TECRL: variants seen among roughly 807,000 people sequenced by gnomAD.
TECRL encodes trans-2,3-enoyl-CoA reductase like.
Under a neutral mutation model 52.8 loss-of-function variants are expected in TECRL, and 63 were observed. That is an observed-to-expected ratio of 1.19 (90% CI 0.97 to 1.47). The LOEUF (loss-of-function observed/expected upper bound fraction) is 1.47, where lower values mean the gene tolerates loss of function less well. TECRL is among the 40% of genes most tolerant of loss of function. TECRL has a pLI of 0.00. For missense variants in TECRL, 482 were observed against 429.6 expected, an observed-to-expected ratio of 1.12 and a Z score of -1.08; for synonymous variants, 164 against 141.9, an observed-to-expected ratio of 1.16 and a Z score of -1.10.
At position 64,291,668 on chromosome 4, in the gene TECRL, G is replaced by A. The variant is rs552451797; in HGVS notation, c.775-1901C>T. 2.0e-4 allele frequency among the ~76,000 whole-genome samples: 31 copies of A among 151,806 alleles called. 1 individual carries two copies. The highest frequency in any genetic ancestry group is 6.3e-4 in the African/African-American group (26 of 41,502). ...TCACAACAAAACTAAATATTGGAACGTCAATTGTTTAACCAAATAATGAGC... is the reference window on the plus strand; with the variant it reads ...TCACAACAAAACTAAATATTGGAACATCAATTGTTTAACCAAATAATGAGC... On this transcript the variant is annotated intron_variant, in intron 8 of 11. Coordinates refer to ENST00000381210, the MANE Select transcript of TECRL (RefSeq NM_001010874.5).
intron 4 of TECRL, among the ~76,000 whole-genome samples, chr4:64,320,939 C>T (rs1168435184): frequency 6.6e-6 from 1 of 152,018 alleles, no homozygotes; most frequent in Non-Finnish European, 1.5e-5. Context: ...CAAGTTAGTA[C>T]TCAAAAGCTC....
chr4:64,359,918 A>T (rs1470610926), intron 2 of TECRL, among the ~76,000 whole-genome samples: 1 of 152,158 alleles, frequency 6.6e-6, no homozygotes, highest in Non-Finnish European at 1.5e-5. Flanking sequence ...TATATGTGTT[A>T]CTTTTTATTG....
intron 2 of TECRL, among the ~76,000 whole-genome samples, chr4:64,330,735 C>T (rs1718580412): frequency 1.3e-5 from 2 of 151,960 alleles, no homozygotes; most frequent in Middle Eastern, 3.2e-3. Context: ...AGCTGATCCT[C>T]CCCCCAAATA....
chr4:64,298,747 G>A (rs1723835029), intron 8 of TECRL: 2 of 150,974 alleles, frequency 1.3e-5, no homozygotes, highest in Admixed American at 1.3e-4. Context: ...AGAAAAAGTA[G>A]ACTAATAATC....
At chr4:64,380,152 T>C (rs894826771) in intron 1 of TECRL, among the ~76,000 whole-genome samples, 1 of 152,126 alleles carries the variant, frequency 6.6e-6, no homozygotes, top group Non-Finnish European at 1.5e-5. Flanking sequence ...ATGTTAGTGA[T>C]GTTGACCACT....
intron 9 of TECRL, among the ~76,000 whole-genome samples, chr4:64,284,949 GATA>G (rs1158640646): frequency 6.6e-6 from 1 of 152,008 alleles, no homozygotes; most frequent in Non-Finnish European, 1.5e-5. Context: ...AAATGCACAT[GATA>G]ATGATTTCAG....
chr4:64,392,446 G>C (rs1278510820), intron 1 of TECRL, among the ~76,000 whole-genome samples: 1 of 151,800 alleles, frequency 6.6e-6, no homozygotes, highest in South Asian at 2.1e-4. Context: ...ATGACATCGA[G>C]CTCAAACTCC....
chr4:64,361,364 A>G (rs1240936428), intron 2 of TECRL, among the ~76,000 whole-genome samples: 1 of 152,102 alleles, frequency 6.6e-6, no homozygotes, highest in Admixed American at 6.6e-5. Flanking sequence ...GTGTATATCT[A>G]CAGGTGTGCC....
intron 2 of TECRL, among the ~76,000 whole-genome samples, chr4:64,344,933 G>A: frequency 6.6e-6 from 1 of 152,178 alleles, no homozygotes; most frequent in Non-Finnish European, 1.5e-5. Flanking sequence ...CAAGTCAAGT[G>A]AGATTAACAT....
At chr4:64,382,518 C>T (rs1722890531) in intron 1 of TECRL, among the ~76,000 whole-genome samples, 1 of 151,108 alleles carries the variant, frequency 6.6e-6, no homozygotes, top group Non-Finnish European at 1.5e-5. Flanking sequence ...ATTTAACTAA[C>T]TTAGCTAATC....
chr4:64,405,741 T>A (rs1724673789), intron 1 of TECRL, among the ~76,000 whole-genome samples: 1 of 152,084 alleles, frequency 6.6e-6, no homozygotes, highest in Non-Finnish European at 1.5e-5. Context: ...GACTCAGTTC[T>A]TGAAAGTCCA....
At chr4:64,338,454 C>A (rs1002017994) in intron 2 of TECRL, among the ~76,000 whole-genome samples, 1 of 152,128 alleles carries the variant, frequency 6.6e-6, no homozygotes, top group African/African-American at 2.4e-5. Flanking sequence ...AACTCAAGAG[C>A]TTCTGCACAG....
At position 64,279,917 on chromosome 4, in the gene TECRL, T is replaced by C. The variant is rs1167228449; in HGVS notation, c.*155A>G. On this transcript the variant is annotated 3_prime_UTR_variant, in exon 12 of 12. Transcript: ENST00000381210. ...TACTTTTTATTACCATGTGCATTTC[T>C]CTAAATTTAGTGAAATTTTACTATT... The C allele has an allele frequency of 1.6e-6, 2 of 1,232,022 alleles. No individual in the cohort carries two copies. The highest frequency in any genetic ancestry group is 3.7e-5 in the East Asian group (1 of 26,854). 76.3% of individuals were successfully genotyped at this position (1,232,022 alleles called of 1,614,324 possible).
intron 6 of TECRL, among the ~76,000 whole-genome samples, chr4:64,308,591 G>A (rs1724487224): frequency 6.6e-6 from 1 of 152,098 alleles, no homozygotes; most frequent in African/African-American, 2.4e-5. Flanking sequence ...ATCTTCTTCA[G>A]GTACCCTCTA....
intron 1 of TECRL, among the ~76,000 whole-genome samples, chr4:64,387,971 C>A (rs1723292654): frequency 6.6e-6 from 1 of 151,332 alleles, no homozygotes; most frequent in Admixed American, 6.6e-5. Context: ...TGTTTCTTGT[C>A]TTTTTATTTT....
intron 9 of TECRL, among the ~76,000 whole-genome samples, chr4:64,282,747 T>C (rs1012353410): frequency 1.3e-5 from 2 of 152,008 alleles, no homozygotes; most frequent in Non-Finnish European, 2.9e-5. Context: ...GATTAAATAA[T>C]GGATATGCCT....
At chr4:64,292,770 G>T (rs1003952836) in intron 8 of TECRL, among the ~76,000 whole-genome samples, 1 of 151,876 alleles carries the variant, frequency 6.6e-6, no homozygotes, top group Admixed American at 6.6e-5. Flanking sequence ...AAGTAACCAG[G>T]TGCTTTTTGC....
chr4:64,335,470 A>G (rs140605660), intron 2 of TECRL, among the ~76,000 whole-genome samples: 188 of 152,352 alleles, frequency 1.2e-3, no homozygotes, highest in African/African-American at 4.4e-3. Flanking sequence ...ATTACATTAT[A>G]TATTACAATG....
intron 4 of TECRL, among the ~76,000 whole-genome samples, chr4:64,317,271 T>C (rs1214745200): frequency 1.3e-5 from 2 of 151,576 alleles, no homozygotes; most frequent in Non-Finnish European, 2.9e-5. Flanking sequence ...AGAGCGAGAC[T>C]CCGTCTCCAA....
Sources: allele counts gnomAD v4.1 joint callset (sites outside exome capture counted in the v4.1 genomes callset), GRCh38; gene constraint gnomAD v4.1.1; transcripts MANE v1.5; gene names NCBI Gene and HGNC (gene_info 2026-07-23, HGNC 2026-07-21).